FAM240B: variants seen among roughly 807,000 people sequenced by gnomAD.
FAM240B encodes the protein family with sequence similarity 240 member B.
chr9:38,699,679 C>T (rs972669401), intron 2 of FAM240B, among the ~76,000 whole-genome samples: 6 of 152,128 alleles, frequency 3.9e-5, no homozygotes, highest in Non-Finnish European at 7.3e-5. Context: ...GGCTCATACA[C>T]GATGGTGGAT....
At chr9:38,696,841 G>A (rs1476596738) in intron 2 of FAM240B, among the ~76,000 whole-genome samples, 1 of 152,046 alleles carries the variant, frequency 6.6e-6, no homozygotes, top group Non-Finnish European at 1.5e-5. Flanking sequence ...ATGATTTATT[G>A]AGCTTATATG....
At chr9:38,696,107 G>A (rs146338787) in intron 2 of FAM240B, among the ~76,000 whole-genome samples, 61 of 152,278 alleles carry the variant, frequency 4.0e-4, no homozygotes, top group African/African-American at 1.4e-3. Flanking sequence ...TATGGGCCCG[G>A]GAAAGAATGG....
At chr9:38,699,270 T>C (rs75515902) in intron 2 of FAM240B, among the ~76,000 whole-genome samples, 9 of 152,354 alleles carry the variant, frequency 5.9e-5, no homozygotes, top group East Asian at 1.9e-4. Context: ...ATAATCATAA[T>C]GTTATTCCTG....
intron 2 of FAM240B, among the ~76,000 whole-genome samples, chr9:38,696,452 C>T (rs909111248): frequency 7.2e-5 from 11 of 152,144 alleles, no homozygotes; most frequent in Admixed American, 5.2e-4. Context: ...ATCTGGCACA[C>T]GGGCCTGTTG....
intron 1 of FAM240B, among the ~76,000 whole-genome samples, chr9:38,718,951 T>A (rs995974379): frequency 3.9e-5 from 6 of 152,220 alleles, no homozygotes; most frequent in South Asian, 2.1e-4. Flanking sequence ...TTATTTTTTT[T>A]AAAAGAGTTT....
intron 1 of FAM240B, among the ~76,000 whole-genome samples, chr9:38,712,433 TA>T (rs1821265876): frequency 1.3e-5 from 2 of 152,240 alleles, no homozygotes; most frequent in Non-Finnish European, 2.9e-5. Flanking sequence ...TCATCATCAT[TA>T]TCTATATTTC....
At chr9:38,700,932 A>G (rs1462411413) in intron 2 of FAM240B, among the ~76,000 whole-genome samples, 1 of 152,178 alleles carries the variant, frequency 6.6e-6, no homozygotes, top group Non-Finnish European at 1.5e-5. Flanking sequence ...AACACACTTC[A>G]CCCAGCTCTG....
At chr9:38,701,173 G>A (rs72721504) in intron 2 of FAM240B, among the ~76,000 whole-genome samples, 20,980 of 152,132 alleles carry the variant, frequency 0.14, 1,601 homozygotes, top group East Asian at 0.23. Flanking sequence ...GTGTGTATGT[G>A]TACATTGGAA....
intron 1 of FAM240B, among the ~76,000 whole-genome samples, chr9:38,715,146 T>G (rs573631125): frequency 6.6e-6 from 1 of 152,344 alleles, no homozygotes; most frequent in African/African-American, 2.4e-5. Flanking sequence ...GAGCATTGTT[T>G]GCCTGAGGAA....
intron 2 of FAM240B, among the ~76,000 whole-genome samples, chr9:38,701,335 A>C (rs1821125072): frequency 6.6e-6 from 1 of 152,200 alleles, no homozygotes; most frequent in South Asian, 2.1e-4. Flanking sequence ...TGCTCAGCTC[A>C]GCGGGGATTT....
chr9:38,700,736 T>C (rs1241774231), intron 2 of FAM240B, among the ~76,000 whole-genome samples: 3 of 152,236 alleles, frequency 2.0e-5, no homozygotes, highest in African/African-American at 7.2e-5. Flanking sequence ...CCATCCATGT[T>C]CTGTTGCTTT....
At chr9:38,698,770 C>T (rs1372677824) in intron 2 of FAM240B, among the ~76,000 whole-genome samples, 3 of 152,232 alleles carry the variant, frequency 2.0e-5, no homozygotes, top group African/African-American at 7.2e-5. Context: ...TCACTTTTCA[C>T]AGCAGTTATA....
intron 2 of FAM240B, among the ~76,000 whole-genome samples, chr9:38,702,097 G>T (rs575520964): frequency 2.6e-5 from 4 of 152,294 alleles, no homozygotes; most frequent in African/African-American, 9.6e-5. Context: ...GCTCAAGATG[G>T]GATCTGGCTT....
Position 38,717,306 on chromosome 9 carries a change from C to A in FAM240B, c.-4+2716G>T, listed in dbSNP as rs13296200. 2.0e-5 allele frequency among the ~76,000 whole-genome samples: 3 copies of A among 152,224 alleles called. 1 individual carries two copies. In the South Asian group the frequency reaches 6.2e-4, roughly 32 times the overall value. The stretch of plus-strand genomic sequence containing the variant: ...AAGAGTTAACAAAGTTTTGGCCGGG[C>A]GCAGTGGCTCACGCCTGTAATCCCG... On this transcript the variant is annotated intron_variant, in intron 1 of 2. Transcript: ENST00000637493.
intron 1 of FAM240B, among the ~76,000 whole-genome samples, chr9:38,716,047 G>A (rs1664654443): frequency 6.6e-6 from 1 of 152,198 alleles, no homozygotes; most frequent in South Asian, 2.1e-4. Flanking sequence ...AGATGCTCCT[G>A]GGTTTGCCTC....
intron 1 of FAM240B, among the ~76,000 whole-genome samples, chr9:38,716,386 C>T (rs1402152483): frequency 6.6e-6 from 1 of 152,154 alleles, no homozygotes; most frequent in South Asian, 2.1e-4. Context: ...GCAGGAGAAT[C>T]GCTTGAACTG....
chr9:38,701,121 A>G (rs973291287), intron 2 of FAM240B, among the ~76,000 whole-genome samples: 4 of 152,118 alleles, frequency 2.6e-5, no homozygotes, highest in Admixed American at 6.5e-5. Context: ...GCCTTTTATA[A>G]ATGGAGGGTA....
chr9:38,698,086 G>A (rs1288228029), intron 2 of FAM240B, among the ~76,000 whole-genome samples: 1 of 152,176 alleles, frequency 6.6e-6, no homozygotes, highest in Admixed American at 6.5e-5. Flanking sequence ...CAGATCATAT[G>A]ACCTAAAAAG....
At chr9:38,706,464 T>C (rs770365229) in intron 1 of FAM240B, among the ~76,000 whole-genome samples, 1 of 152,212 alleles carries the variant, frequency 6.6e-6, no homozygotes, top group Non-Finnish European at 1.5e-5. Flanking sequence ...CTTAGAGCGG[T>C]AGAGCTTCTT....
Sources: allele counts gnomAD v4.1 joint callset (sites outside exome capture counted in the v4.1 genomes callset), GRCh38; gene constraint gnomAD v4.1.1; transcripts MANE v1.5; gene names NCBI Gene and HGNC (gene_info 2026-07-23, HGNC 2026-07-21).